RP1: variants seen among roughly 807,000 people sequenced by gnomAD.
RP1 encodes oxygen-regulated protein 1.
RP1 carries 16 observed loss-of-function variants against 14.8 expected under a neutral mutation model. The observed-to-expected ratio is 1.08, with a 90% CI of 0.73 to 1.65. RP1 has a LOEUF of 1.65. Ranked by LOEUF, RP1 falls within the 40% of genes most tolerant of loss-of-function variation. The pLI is 0.00. For missense variants in RP1, 2,631 were observed against 2,535.0 expected (o/e 1.04, Z -0.81); for synonymous variants, 876 against 883.6 (o/e 0.99, Z 0.15).
rs930915018 is a variant in RP1 at position 54,754,695 on chromosome 8, A to G, written c.2809-108A>G. The G allele has an allele frequency of 3.6e-6, 4 of 1,121,882 alleles. No individual in the cohort carries two copies. In the African/African-American group the frequency reaches 4.8e-5, roughly 13 times the overall value. The allele number at this position is 1,121,882 out of a possible 1,614,324, so 69.5% of individuals were successfully genotyped here. Reference sequence around the variant, plus strand: ...AACAACCATCACCGCTATCACCATCATCAGAGTATGCAGTACACTTTTGAA... The same window carrying G: ...AACAACCATCACCGCTATCACCATCGTCAGAGTATGCAGTACACTTTTGAA... On this transcript the variant is annotated intron_variant, in intron 19 of 22. Transcript: ENST00000636932.
chr8:54,604,521 A>C (rs1398098780), intron 1 of RP1, among the ~76,000 whole-genome samples: 1 of 152,138 alleles, frequency 6.6e-6, no homozygotes, highest in Non-Finnish European at 1.5e-5. Flanking sequence ...TGTCTCTGCC[A>C]GGCTTTGGTA....
chr8:54,615,728 A>T (rs138682876), upstream of RP1, among the ~76,000 whole-genome samples: 222 of 152,368 alleles, frequency 1.5e-3, no homozygotes, highest in African/African-American at 5.2e-3. Context: ...AATGATTACC[A>T]GGAGCAAGTA....
At chr8:54,689,813 T>C (rs373727109) in intron 12 of RP1, among the ~76,000 whole-genome samples, 7 of 152,136 alleles carry the variant, frequency 4.6e-5, no homozygotes, top group African/African-American at 1.7e-4. Context: ...GGCATCCCCT[T>C]TCACTCTCAG....
At chr8:54,579,744 G>C (rs1804737966) in intron 1 of RP1, among the ~76,000 whole-genome samples, 1 of 152,172 alleles carries the variant, frequency 6.6e-6, no homozygotes, top group African/African-American at 2.4e-5. Context: ...GAGAAGCAGG[G>C]ACCTCTCTAT....
chr8:54,782,795 G>A (rs1375620248), intron 23 of RP1, among the ~76,000 whole-genome samples: 2 of 152,118 alleles, frequency 1.3e-5, no homozygotes, highest in Non-Finnish European at 2.9e-5. Context: ...ACAACTCATA[G>A]ATCTTTTTAA....
At position 54,625,624 on chromosome 8, in the gene RP1, T is replaced by C. The variant is rs1806021580; in HGVS notation, c.1742T>C (p.Val581Ala). 6.2e-7 allele frequency: 1 copy of C among 1,614,142 alleles called. No individual in the cohort carries two copies. The highest frequency in any genetic ancestry group is 1.1e-5 in the South Asian group (1 of 91,074). The change falls in exon 4 of 4, where the codon GTT (valine) becomes GCT (alanine). Residue 581 changes from valine to alanine, a missense_variant. Coordinates refer to ENST00000220676, the MANE Select transcript of RP1 (RefSeq NM_006269.2). ...SNNSIVEEDVVDCVVLDNKTG... is the reference protein window; with the variant it reads ...SNNSIVEEDVADCVVLDNKTG... The stretch of plus-strand genomic sequence containing the variant: ...AACTCAATTGTGGAGGAAGATGTAG[T>C]TGATTGTGTGGTATTGGACAACAAA...
At chr8:54,636,004 G>T (rs1372857116) in intron 3 of RP1, among the ~76,000 whole-genome samples, 1 of 152,040 alleles carries the variant, frequency 6.6e-6, no homozygotes, top group Admixed American at 6.5e-5. Flanking sequence ...CTGACCCCTT[G>T]CTGATTGAGC....
intron 1 of RP1, among the ~76,000 whole-genome samples, chr8:54,605,282 TC>T (rs1805404032): frequency 6.6e-6 from 1 of 152,246 alleles, no homozygotes; most frequent in South Asian, 2.1e-4. Flanking sequence ...ATTACTGCCT[TC>T]ATTTCGTTAT....
At position 54,627,172 on chromosome 8, in the gene RP1, G is replaced by A. The variant is rs529178599; in HGVS notation, c.3290G>A (p.Gly1097Asp). 1 of 1,614,006 alleles carries A rather than the reference G, an allele frequency of 6.2e-7. No homozygotes were observed. Among genetic ancestry groups the A allele is most frequent in the East Asian group, 2.2e-5 (1 of 44,878 alleles). Reference protein sequence around the residue: ...MLHQLQASVPGIHKTQNGVVQ... With the variant: ...MLHQLQASVPDIHKTQNGVVQ... Reference sequence around the variant, plus strand: ...CACCAATTGCAAGCTTCAGTTCCTGGTATTCACAAGACTCAGAATGGAGTT... The same window carrying A: ...CACCAATTGCAAGCTTCAGTTCCTGATATTCACAAGACTCAGAATGGAGTT... The change falls in exon 4 of 4, where the codon GGT (glycine) becomes GAT (aspartate). Residue 1097 changes from glycine (G) to aspartate (D), a missense_variant. Coordinates refer to ENST00000220676, the MANE Select transcript of RP1 (RefSeq NM_006269.2).
intron 26 of RP1, among the ~76,000 whole-genome samples, chr8:54,856,714 G>T (rs985542755): frequency 6.6e-6 from 1 of 152,138 alleles, no homozygotes; most frequent in African/African-American, 2.4e-5. Flanking sequence ...AGAGAGTTTG[G>T]CACTTACTCA....
chr8:54,583,969 T>G (rs1804857259), intron 1 of RP1, among the ~76,000 whole-genome samples: 1 of 152,128 alleles, frequency 6.6e-6, no homozygotes, highest in Non-Finnish European at 1.5e-5. Flanking sequence ...ATTCATTGAT[T>G]TTTTGAAGGG....
At chr8:54,822,601 T>C (rs1447944800) in intron 24 of RP1, among the ~76,000 whole-genome samples, 1 of 152,226 alleles carries the variant, frequency 6.6e-6, no homozygotes, top group Non-Finnish European at 1.5e-5. Context: ...TTTTTAATTA[T>C]GTATCTGTTT....
intron 23 of RP1, among the ~76,000 whole-genome samples, chr8:54,780,016 C>G (rs1361536501): frequency 6.6e-6 from 1 of 151,770 alleles, no homozygotes; most frequent in South Asian, 2.1e-4. Flanking sequence ...GATTTTTTTG[C>G]GTGGAGCTTC....
At chr8:54,661,046 G>A (rs1806879031) in intron 6 of RP1, among the ~76,000 whole-genome samples, 1 of 151,182 alleles carries the variant, frequency 6.6e-6, no homozygotes, top group African/African-American at 2.4e-5. Flanking sequence ...GAGTGTGGTG[G>A]TTTACACTTG....
At chr8:54,601,161 T>C (rs1391681038) in intron 1 of RP1, among the ~76,000 whole-genome samples, 10 of 152,106 alleles carry the variant, frequency 6.6e-5, no homozygotes. Context: ...CATAAAGACA[T>C]GAAAAGGCAA....
intron 1 of RP1, among the ~76,000 whole-genome samples, chr8:54,608,270 C>T (rs1805509333): frequency 6.6e-6 from 1 of 151,342 alleles, no homozygotes; most frequent in Non-Finnish European, 1.5e-5. Context: ...CTCACTGCAA[C>T]CTCTGCCTCC....
At position 54,628,986 on chromosome 8, in the gene RP1, G is replaced by T; in HGVS notation, c.5104G>T (p.Asp1702Tyr). The T allele has an allele frequency of 6.2e-7, 1 of 1,614,102 alleles. No homozygotes were observed. The highest frequency in any genetic ancestry group is 8.5e-7 in the Non-Finnish European group (1 of 1,179,984). Residue 1702 changes from aspartate to tyrosine, a missense_variant, in exon 4 of 4, where the codon GAT (aspartate) becomes TAT (tyrosine). Transcript: ENST00000220676. ...GCAGGAATTCCAGGAGGAAAGACAA[G>T]ATAAGTGTGATGTTAGTGCTGTGAG... is the stretch of plus-strand genomic sequence containing the variant. Reference protein sequence around the residue: ...MLQEFQEERQDKCDVSAVRDN... With the variant: ...MLQEFQEERQYKCDVSAVRDN...
chr8:54,870,047 G>T (rs569200165), exon 29 of RP1: 220 of 495,212 alleles, frequency 4.4e-4, no homozygotes, highest in Non-Finnish European at 6.0e-4. Flanking sequence ...CACCTGGGGA[G>T]GGTCAGTTTG....
chr8:54,629,676 G>A lies in RP1; in HGVS notation c.5794G>A (p.Asp1932Asn), dbSNP rs766751952. ...TATTATCCAACCCATGAATGAGGAA[G>A]ACCGAGGATTTGCATATCGCAAAGA... ...TVIIQPMNEEDRGFAYRKESD... is the reference protein window; with the variant it reads ...TVIIQPMNEENRGFAYRKESD... The change falls in exon 4 of 4, where the codon GAC becomes AAC. Residue 1932 changes from aspartate (D) to asparagine (N), a missense_variant. Coordinates refer to ENST00000220676, the MANE Select transcript of RP1 (RefSeq NM_006269.2). 6.2e-7 allele frequency: 1 copy of A among 1,613,742 alleles called. No homozygotes were observed. The highest frequency in any genetic ancestry group is 1.1e-5 in the South Asian group (1 of 90,940).
Sources: allele counts gnomAD v4.1 joint callset (sites outside exome capture counted in the v4.1 genomes callset), GRCh38; gene constraint gnomAD v4.1.1; transcripts MANE v1.5; gene names NCBI Gene and HGNC (gene_info 2026-07-23, HGNC 2026-07-21).